TG: variants seen among roughly 807,000 people sequenced by gnomAD.
TG encodes thyroglobulin.
In TG, 270 loss-of-function variants were observed where a neutral mutation model predicts 324.7. The ratio of observed to expected loss-of-function variants is 0.83; its 90% CI spans 0.75 to 0.92. TG has a LOEUF of 0.92. Ranked by LOEUF, TG falls within the 40% of genes least tolerant of loss-of-function variation. TG has a pLI of 0.00. For synonymous variants in TG, 1,401 were observed against 1,327.0 expected, an observed-to-expected ratio of 1.06 and a Z score of -1.21; for missense variants, 3,591 against 3,456.4, an observed-to-expected ratio of 1.04 and a Z score of -0.98.
Position 132,882,546 on chromosome 8 carries a change from A to C in TG, c.823A>C (p.Thr275Pro). The C allele has an allele frequency of 1.2e-6, 2 of 1,614,130 alleles. No homozygotes were observed. The highest frequency in any genetic ancestry group is 1.7e-6 in the Non-Finnish European group (2 of 1,180,030). ...CCTTCCTTCCACCTTCACTGAAACCACCCTGTACCGGATACTGCAGAGACG... is the reference window on the plus strand; with the variant it reads ...CCTTCCTTCCACCTTCACTGAAACCCCCCTGTACCGGATACTGCAGAGACG... ...LDLPSTFTET[T>P]LYRILQRRFL... Residue 275 changes from threonine to proline, a missense_variant, in exon 7 of 48, where the codon ACC (threonine) becomes CCC (proline). Thr to Pro is a conservative substitution (Grantham distance 38). Coordinates refer to ENST00000220616, the MANE Select transcript of TG (RefSeq NM_003235.5).
intron 41 of TG, chr8:133,047,142 A>C (rs1272779844): frequency 6.6e-6 from 1 of 152,244 alleles, no homozygotes; most frequent in Admixed American, 6.5e-5. Flanking sequence ...TAAATTAGTA[A>C]TTTGTAAGGC....
intron 15 of TG, 79 bp from the exon 16 acceptor site, chr8:132,901,274 G>T: frequency 2.6e-6 from 4 of 1,561,222 alleles, no homozygotes; most frequent in African/African-American, 1.3e-5. Context: ...GTGGCCGTGG[G>T]TGGTGAGGAG....
At position 133,013,714 on chromosome 8, in the gene TG, A is replaced by C; in HGVS notation, c.6512A>C (p.Asn2171Thr). Residue 2171 changes from asparagine (N) to threonine (T), a missense_variant, in exon 37 of 48, where the codon AAC (asparagine) becomes ACC (threonine). Transcript: ENST00000220616. Reference protein sequence around the residue: ...QSCTHSLQGQNCRLLLREEAT... With the variant: ...QSCTHSLQGQTCRLLLREEAT... ...TGCACACATAGTCTGCAGGGTCAGA[A>C]CTGCCGACTTCTGCTTCGTGAAGAG... 2 of 1,613,828 alleles carry C rather than the reference A, an allele frequency of 1.2e-6. No individual in the cohort carries two copies. Among genetic ancestry groups the C allele is most frequent in the Non-Finnish European group, 1.7e-6 (2 of 1,180,036 alleles).
Position 133,013,670 on chromosome 8 carries a change from C to A in TG, c.6468C>A (p.Phe2156Leu), listed in dbSNP as rs748723565. The A allele has an allele frequency of 3.1e-6, 5 of 1,614,198 alleles. No homozygotes were observed. Among genetic ancestry groups the A allele is most frequent in the Admixed American group, 1.7e-5 (1 of 60,028 alleles). ...QTQPGAVRCM[F>L]YADTQSCTHS... is the part of the protein sequence containing the mutation. Reference sequence around the variant, plus strand: ...AACCTGGGGCTGTGAGATGTATGTTCTATGCTGATACTCAAAGCTGCACAC... The same window carrying A: ...AACCTGGGGCTGTGAGATGTATGTTATATGCTGATACTCAAAGCTGCACAC... The change falls in exon 37 of 48, where the codon TTC becomes TTA. Residue 2156 changes from phenylalanine to leucine, a missense_variant. Physicochemically the swap from Phe to Leu is conservative, Grantham distance 22. Transcript: ENST00000220616.
chr8:133,096,209 C>A lies in TG; in HGVS notation c.7408C>A (p.Leu2470Met), dbSNP rs2069568. The A allele has an allele frequency of 6.2e-7, 1 of 1,614,042 alleles. No individual in the cohort carries two copies. Among genetic ancestry groups the A allele is most frequent in the Non-Finnish European group, 8.5e-7 (1 of 1,179,976 alleles). Residue 2470 changes from leucine (L) to methionine (M), a missense_variant, in exon 43 of 48, where the codon CTG (leucine) becomes ATG (methionine). Coordinates refer to ENST00000220616, the MANE Select transcript of TG (RefSeq NM_003235.5). ...NVLNDAQTKL[L>M]AVSGPFHYWG... Reference sequence around the variant, plus strand: ...ATTATTGTTGCATCCAATGCAGCTCCTGGCCGTGAGTGGCCCTTTCCACTA... The same window carrying A: ...ATTATTGTTGCATCCAATGCAGCTCATGGCCGTGAGTGGCCCTTTCCACTA...
Position 133,096,322 on chromosome 8 carries a change from C to T in TG, c.7521C>T (p.Leu2507=), listed in dbSNP as rs576615757. ...CTTTATGGGTAGAGGTCGATCTGCT[C>T]ATTGGGAGTTCTCAGGACGACGGGC... ...KRSLWVEVDL[L]IGSSQDDGLI... is the part of the protein sequence containing the mutation. The change falls in exon 43 of 48, where the codon CTC becomes CTT. Residue 2507 remains leucine, a synonymous_variant. Coordinates refer to ENST00000220616, the MANE Select transcript of TG (RefSeq NM_003235.5). 103 of 1,614,190 alleles carry T rather than the reference C, an allele frequency of 6.4e-5. No homozygotes were observed. Among genetic ancestry groups the T allele is most frequent in the Middle Eastern group, 5.0e-4 (3 of 6,060 alleles).
At chr8:133,090,398 G>A (rs1847304596) in intron 41 of TG, among the ~76,000 whole-genome samples, 1 of 152,194 alleles carries the variant, frequency 6.6e-6, no homozygotes, top group South Asian at 2.1e-4. Context: ...TAACTTCATA[G>A]TGCTGTGGCA....
In TG at chr8:132,888,475, T is replaced by C; in HGVS notation, c.2668T>C (p.Leu890=). 6.2e-7 allele frequency: 1 copy of C among 1,610,596 alleles called. No individual in the cohort carries two copies. Residue 890 remains leucine (L), a synonymous_variant, in exon 10 of 48, where the codon TTG becomes CTG. Coordinates refer to ENST00000220616, the MANE Select transcript of TG (RefSeq NM_003235.5). The part of the protein sequence containing the change: ...PGSYSDFSTP[L]AHFDLRNCWC... ...GTCCTACTCAGACTTCAGCACTCCT[T>C]TGGCACATTTTGATCTTCGGAACTG...
intron 1 of TG, among the ~76,000 whole-genome samples, 188 bp from the exon 2 acceptor site, chr8:132,867,927 A>G (rs1563882013): frequency 6.6e-6 from 1 of 152,176 alleles, no homozygotes; most frequent in East Asian, 1.9e-4. Context: ...ACCTCTTAGG[A>G]GAATGTTGCA....
intron 23 of TG, among the ~76,000 whole-genome samples, chr8:132,931,441 C>G (rs539542236): frequency 3.8e-4 from 58 of 152,222 alleles, no homozygotes; most frequent in Admixed American, 5.9e-4. Context: ...AAAATAAAGC[C>G]ACTGAGTCAA....
At chr8:133,129,358 G>A (rs2130374844) in intron 45 of TG, among the ~76,000 whole-genome samples, 1 of 152,328 alleles carries the variant, frequency 6.6e-6, no homozygotes, top group South Asian at 2.1e-4. Context: ...AAGTTCACGA[G>A]AGCTGGTGGT....
intron 41 of TG, among the ~76,000 whole-genome samples, chr8:133,093,177 TA>T (rs1310374088): frequency 6.6e-6 from 1 of 151,898 alleles, no homozygotes; most frequent in African/African-American, 2.4e-5. Context: ...CAATGGTTCT[TA>T]AAAAAAGCTG....
intron 41 of TG, chr8:133,049,876 T>C (rs1446943468): frequency 7.0e-7 from 1 of 1,430,680 alleles, no homozygotes; most frequent in South Asian, 1.1e-5. Flanking sequence ...CATGCTTAAT[T>C]GCTGCCATTT....
At chr8:132,868,061 G>A in intron 1 of TG, 54 bp from the exon 2 acceptor site, 2 of 1,515,802 alleles carry the variant, frequency 1.3e-6, no homozygotes, top group Non-Finnish European at 1.8e-6. Context: ...GCCCGTCTCT[G>A]TCCTGGCAGC....
At chr8:132,994,318 C>CT (rs1260831096) in intron 35 of TG, among the ~76,000 whole-genome samples, 1 of 152,084 alleles carries the variant, frequency 6.6e-6, no homozygotes, top group Non-Finnish European at 1.5e-5. Flanking sequence ...ATTTTAATAT[C>CT]TTTTTCAGGG....
chr8:133,010,768 G>A (rs1263047906), intron 35 of TG, among the ~76,000 whole-genome samples: 1 of 152,112 alleles, frequency 6.6e-6, no homozygotes, highest in Non-Finnish European at 1.5e-5. Context: ...CAGATGGGAC[G>A]AGCTCACCTC....
At chr8:133,082,089 A>T (rs1394149563) in intron 41 of TG, among the ~76,000 whole-genome samples, 1 of 152,226 alleles carries the variant, frequency 6.6e-6, no homozygotes, top group Non-Finnish European at 1.5e-5. Context: ...CAGACAAAAG[A>T]CAAAGTCTTC....
intron 26 of TG, among the ~76,000 whole-genome samples, chr8:132,945,133 G>A (rs1401509434): frequency 1.3e-5 from 2 of 152,200 alleles, no homozygotes; most frequent in Admixed American, 6.5e-5. Flanking sequence ...TGACGTGAGC[G>A]CTTGTCATGT....
intron 41 of TG, among the ~76,000 whole-genome samples, chr8:133,042,678 C>CCTTTTTTTGTTTT (rs1554706932): frequency 1.8e-5 from 1 of 56,732 alleles, no homozygotes; most frequent in Non-Finnish European, 3.2e-5. Flanking sequence ...CATTCTGTGT[C>CCTTTTTTTGTTTT]TTTTTTTTTT....
Sources: allele counts gnomAD v4.1 joint callset (sites outside exome capture counted in the v4.1 genomes callset), GRCh38; gene constraint gnomAD v4.1.1; transcripts MANE v1.5; gene names NCBI Gene and HGNC (gene_info 2026-07-23, HGNC 2026-07-21).